Variants in HYCC1 observed in about 807,000 individuals in gnomAD.
HYCC1 encodes hyccin PI4KA lipid kinase complex subunit 1.
At chr7:22,950,684 A>T in the HYCC1 span, among the ~76,000 whole-genome samples, 1 of 152,010 alleles carries the variant, frequency 6.6e-6, no homozygotes, top group East Asian at 1.9e-4. Flanking sequence ...CAAGATGCTT[A>T]GGTCAAAAAG....
At chr7:23,007,656 C>G in the HYCC1 span, among the ~76,000 whole-genome samples, 1 of 152,008 alleles carries the variant, frequency 6.6e-6, no homozygotes. Context: ...GAAATCAAAA[C>G]CTTAAAAAGG....
chr7:22,930,099 AC>A, the HYCC1 span, among the ~76,000 whole-genome samples: 1 of 149,286 alleles, frequency 6.7e-6, no homozygotes, highest in African/African-American at 2.5e-5. Flanking sequence ...AGGACAAAAA[AC>A]CAAACACTGC....
the HYCC1 span, among the ~76,000 whole-genome samples, chr7:22,958,329 G>T: frequency 0.067 from 10,198 of 152,166 alleles, 560 homozygotes; most frequent in East Asian, 0.26. Flanking sequence ...ACTGGATAAA[G>T]GGAATTCACA....
the HYCC1 span, among the ~76,000 whole-genome samples, chr7:22,899,146 G>C: frequency 1.3e-5 from 2 of 152,168 alleles, no homozygotes; most frequent in African/African-American, 2.4e-5. Flanking sequence ...TGAATGTCAC[G>C]ATGGCAGGAG....
chr7:22,945,390 TAATC>T, the HYCC1 span: 23 of 591,288 alleles, frequency 3.9e-5, no homozygotes, highest in Non-Finnish European at 5.7e-5. Context: ...GAAAAAATCT[TAATC>T]AAGAAATAAC....
At chr7:22,999,084 A>C in the HYCC1 span, among the ~76,000 whole-genome samples, 8 of 152,172 alleles carry the variant, frequency 5.3e-5, no homozygotes, top group African/African-American at 1.9e-4. Context: ...CTGTGAACCA[A>C]AACAGCATCA....
At chr7:22,928,066 C>G in the HYCC1 span, among the ~76,000 whole-genome samples, 5 of 152,176 alleles carry the variant, frequency 3.3e-5, no homozygotes, top group Non-Finnish European at 5.9e-5. Flanking sequence ...AGCATATAAA[C>G]AGAACCAAAG....
At chr7:22,953,212 C>A in the HYCC1 span, among the ~76,000 whole-genome samples, 2 of 151,826 alleles carry the variant, frequency 1.3e-5, no homozygotes, top group African/African-American at 4.8e-5. Context: ...TATTACAGAT[C>A]CTCATGACCA....
chr7:22,931,695 TA>T, the HYCC1 span, among the ~76,000 whole-genome samples: 1 of 86,106 alleles, frequency 1.2e-5, no homozygotes, highest in African/African-American at 3.9e-5. Flanking sequence ...AGACTGATGG[TA>T]AAAATGTGAA....
At chr7:22,907,442 T>C in the HYCC1 span, among the ~76,000 whole-genome samples, 1 of 152,136 alleles carries the variant, frequency 6.6e-6, no homozygotes, top group Non-Finnish European at 1.5e-5. Context: ...ATCTAGGAGA[T>C]CTGTTAGGAG....
the HYCC1 span, chr7:22,940,687 A>G: frequency 1.3e-5 from 2 of 152,110 alleles, no homozygotes; most frequent in Non-Finnish European, 2.9e-5. Context: ...TTCTTTTCCA[A>G]AGCTAACATC....
the HYCC1 span, among the ~76,000 whole-genome samples, chr7:22,912,415 C>T: frequency 6.6e-5 from 10 of 152,150 alleles, no homozygotes; most frequent in Admixed American, 6.5e-4. Context: ...TCAAGGCCTC[C>T]AACTCCAACT....
At chr7:22,923,930 G>A in the HYCC1 span, among the ~76,000 whole-genome samples, 1 of 149,176 alleles carries the variant, frequency 6.7e-6, no homozygotes, top group Non-Finnish European at 1.5e-5. Flanking sequence ...GCCCAGGCAG[G>A]CAGATCACTT....
the HYCC1 span, among the ~76,000 whole-genome samples, chr7:22,994,833 G>A: frequency 1.3e-5 from 2 of 151,980 alleles, no homozygotes; most frequent in East Asian, 3.9e-4. Flanking sequence ...TTTATGTCCA[G>A]CACCACAAGA....
the HYCC1 span, among the ~76,000 whole-genome samples, chr7:22,925,017 G>A: frequency 2.6e-5 from 4 of 152,252 alleles, no homozygotes; most frequent in South Asian, 2.1e-4. Context: ...CAGCATTTGC[G>A]GCTCACCAAT....
At chr7:22,952,739 T>C in the HYCC1 span, among the ~76,000 whole-genome samples, 2 of 151,904 alleles carry the variant, frequency 1.3e-5, no homozygotes, top group Non-Finnish European at 2.9e-5. Flanking sequence ...TCATAAAGAA[T>C]AGCACTGTGG....
chr7:22,934,801 G>C, the HYCC1 span: 1 of 152,210 alleles, frequency 6.6e-6, no homozygotes, highest in African/African-American at 2.4e-5. Flanking sequence ...TTGTCTGCCA[G>C]GGATGCTCGT....
At chr7:22,953,349 T>C in the HYCC1 span, among the ~76,000 whole-genome samples, 4,109 of 151,986 alleles carry the variant, frequency 0.027, 92 homozygotes, top group Middle Eastern at 0.065. Context: ...GAGTGCTCAA[T>C]AATCAATAAT....
At chr7:22,928,137 C>T in the HYCC1 span, among the ~76,000 whole-genome samples, 9 of 151,974 alleles carry the variant, frequency 5.9e-5, no homozygotes, top group South Asian at 2.1e-4. Flanking sequence ...ATTCAACAAC[C>T]CTTCATGCTA....
Sources: allele counts gnomAD v4.1 joint callset (sites outside exome capture counted in the v4.1 genomes callset), GRCh38; gene constraint gnomAD v4.1.1; transcripts MANE v1.5; gene names NCBI Gene and HGNC (gene_info 2026-07-23, HGNC 2026-07-21).